MATN3: variants seen among roughly 807,000 people sequenced by gnomAD.
The protein encoded by MATN3 is matrilin-3.
In MATN3, 48 loss-of-function variants were observed where a neutral mutation model predicts 45.3. The observed-to-expected ratio is 1.06, with a 90% CI of 0.84 to 1.35. The LOEUF (loss-of-function observed/expected upper bound fraction) is 1.35. MATN3 is among the 40% of genes most tolerant of loss of function. MATN3 has a pLI of 0.00. For missense variants in MATN3, 599 were observed against 628.0 expected (o/e 0.95, Z 0.49); for synonymous variants, 217 against 245.9 (o/e 0.88, Z 1.10).
chr2:19,999,215 G>T (rs191290544), intron 5 of MATN3: 3 of 152,148 alleles, frequency 2.0e-5, no homozygotes, highest in African/African-American at 7.2e-5. Context: ...GGTCTTCAAT[G>T]TTCCTGGCAG....
At chr2:20,000,417 A>G in intron 5 of MATN3, 24 bp downstream of exon 5, 1 of 1,584,278 alleles carries the variant, frequency 6.3e-7, no homozygotes, top group Non-Finnish European at 8.6e-7. Flanking sequence ...CCAAGTATGA[A>G]AGAATTTTTT....
At chr2:19,993,952 A>T (rs1451082078) in intron 7 of MATN3, among the ~76,000 whole-genome samples, 1 of 152,194 alleles carries the variant, frequency 6.6e-6, no homozygotes, top group Non-Finnish European at 1.5e-5. Flanking sequence ...TAATCAGCTG[A>T]CTTGCTTTGT....
chr2:20,012,325 A>G lies in MATN3; in HGVS notation c.223+84T>C. The stretch of plus-strand genomic sequence containing the variant: ...TTTCCCCCGCACCACGGTCGGCCTG[A>G]GGCCGGGATGAAGCGCGCTTGGTGG... On this transcript the variant is annotated intron_variant, in intron 1 of 7. Coordinates refer to ENST00000407540, the MANE Select transcript of MATN3 (RefSeq NM_002381.5). The surrounding 1 kb of genome is among the most constrained non-coding windows in gnomAD (Gnocchi z 4.3). The G allele has an allele frequency of 4.6e-6, 5 of 1,077,452 alleles. No individual in the cohort carries two copies. Among genetic ancestry groups the G allele is most frequent in the African/African-American group, 1.6e-5 (1 of 61,234 alleles). The allele number at this position is 1,077,452 out of a possible 1,614,324, so 66.7% of individuals were successfully genotyped here. A position where few individuals can be genotyped will look rare whatever the true frequency, so the allele number is the denominator to read the frequency against.
At chr2:20,007,730 T>C (rs536253735) in intron 1 of MATN3, among the ~76,000 whole-genome samples, 1 of 152,338 alleles carries the variant, frequency 6.6e-6, no homozygotes, top group African/African-American at 2.4e-5. Flanking sequence ...TATGAAGCCC[T>C]GGAGCTACAA....
chr2:20,007,052 C>CA (rs1308106773), intron 1 of MATN3, among the ~76,000 whole-genome samples: 8 of 152,068 alleles, frequency 5.3e-5, no homozygotes, highest in Non-Finnish European at 1.0e-4. Context: ...ACTAAAAATA[C>CA]AAAAAATTAG....
Position 20,006,020 on chromosome 2 carries a change from C to T in MATN3, c.514G>A (p.Glu172Lys), listed in dbSNP as rs977737529. The change falls in exon 2 of 8, where the codon GAA becomes AAA. Residue 172 changes from glutamate to lysine, a missense_variant. Glu to Lys is a moderately conservative substitution (Grantham distance 56). Transcript: ENST00000407540. ...GCCCCTGCCTCCACTGTGAAGGCTT[C>T]GTCCATTGCTGTCTGGATGGCTAGG... ...SGLAIQTAMD[E>K]AFTVEAGARE... 8 of 1,613,876 alleles carry T rather than the reference C, an allele frequency of 5.0e-6. No individual in the cohort carries two copies. Among genetic ancestry groups the T allele is most frequent in the Admixed American group, 3.3e-5 (2 of 60,004 alleles).
chr2:19,993,922 T>C (rs1672807970), intron 7 of MATN3, among the ~76,000 whole-genome samples: 1 of 152,218 alleles, frequency 6.6e-6, no homozygotes. Context: ...CTGTGTGTAA[T>C]CTGAGATATC....
At chr2:20,000,683 C>G (rs1306608262) in intron 4 of MATN3, 117 bp from the exon 5 acceptor site, 2 of 997,698 alleles carry the variant, frequency 2.0e-6, no homozygotes, top group Admixed American at 3.2e-5. Flanking sequence ...GGAAACTATT[C>G]AAAGCCATTG....
At chr2:20,004,691 ATT>A (rs962492735) in intron 2 of MATN3, among the ~76,000 whole-genome samples, 49 of 152,298 alleles carry the variant, frequency 3.2e-4, no homozygotes, top group Non-Finnish European at 4.7e-4. Context: ...TTATTGGTTC[ATT>A]TGTTTGTCTC....
intron 2 of MATN3, among the ~76,000 whole-genome samples, 154 bp from the exon 3 acceptor site, chr2:20,003,440 T>G (rs1383420334): frequency 6.6e-6 from 1 of 152,256 alleles, no homozygotes; most frequent in African/African-American, 2.4e-5. Flanking sequence ...GCCTCTGGCT[T>G]ATTAGCAATG....
At chr2:19,999,353 C>T (rs75619092) in intron 5 of MATN3, 2,458 of 152,670 alleles carry the variant, frequency 0.016, 132 homozygotes, top group East Asian at 0.16. Flanking sequence ...CCCGCCAGTG[C>T]CACTTTCCAC....
In MATN3 at chr2:20,006,239, A is replaced by G. The variant is rs566240334; in HGVS notation, c.295T>C (p.Phe99Leu). 6.8e-6 allele frequency: 11 copies of G among 1,612,110 alleles called. No homozygotes were observed. The East Asian group carries it at 1.1e-4, about 16-fold the overall frequency. ...GAGACAAAAGTTTTCACTTTGGTGA[A>G]TTCCAGGGGCCGTACGCTACGAGAA... ...DSSRSVRPLE[F>L]TKVKTFVSRI... The change falls in exon 2 of 8, where the codon TTC becomes CTC. Residue 99 changes from phenylalanine (F) to leucine (L), a missense_variant. Coordinates refer to ENST00000407540, the MANE Select transcript of MATN3 (RefSeq NM_002381.5).
Position 20,003,216 on chromosome 2 carries a change from G to C in MATN3, c.861C>G (p.His287Gln). Residue 287 changes from histidine (H) to glutamine (Q), a missense_variant, in exon 3 of 8, where the codon CAC (histidine) becomes CAG (glutamine). His to Gln is a conservative substitution (Grantham distance 24, BLOSUM62 0). Transcript: ENST00000407540. Reference sequence around the variant, plus strand: ...TGTATCCTTGGCTACACTCACAGTGGTGCTTGCCTTCCCCATCACTGATGC... The same window carrying C: ...TGTATCCTTGGCTACACTCACAGTGCTGCTTGCCTTCCCCATCACTGATGC... Reference protein sequence around the residue: ...HVCISDGEGKHHCECSQGYTL... With the variant: ...HVCISDGEGKQHCECSQGYTL... The C allele has an allele frequency of 6.2e-7, 1 of 1,613,964 alleles. No individual in the cohort carries two copies. Among genetic ancestry groups the C allele is most frequent in the Middle Eastern group, 1.7e-4 (1 of 6,060 alleles).
chr2:20,007,513 G>A (rs1024010571), intron 1 of MATN3, among the ~76,000 whole-genome samples: 16 of 144,000 alleles, frequency 1.1e-4, no homozygotes, highest in Non-Finnish European at 1.1e-4. Flanking sequence ...TGGGCAATAA[G>A]AGCAAGACAT....
intron 1 of MATN3, among the ~76,000 whole-genome samples, chr2:20,011,663 G>A (rs749254151): frequency 1.3e-5 from 2 of 152,222 alleles, no homozygotes; most frequent in Non-Finnish European, 2.9e-5. Context: ...TTGGTAGGCT[G>A]GGGCAGTGGA....
At chr2:20,002,218 G>T in intron 3 of MATN3, 138 bp from the exon 4 acceptor site, 1 of 677,026 alleles carries the variant, frequency 1.5e-6, no homozygotes, top group Non-Finnish European at 2.3e-6. Flanking sequence ...GGGAGGGGCA[G>T]CTGGGAGTTG....
intron 2 of MATN3, among the ~76,000 whole-genome samples, chr2:20,004,687 G>T (rs981715186): frequency 3.9e-5 from 6 of 152,130 alleles, no homozygotes; most frequent in African/African-American, 1.2e-4. Context: ...TTAATTATTG[G>T]TTCATTTGTT....
chr2:19,994,681 G>C (rs1260114234), intron 6 of MATN3, among the ~76,000 whole-genome samples: 1 of 152,162 alleles, frequency 6.6e-6, no homozygotes, highest in Non-Finnish European at 1.5e-5. Context: ...CTGTACTTTT[G>C]TGATTGCCAG....
Position 19,997,134 on chromosome 2 carries a change from C to G in MATN3, c.1294G>C (p.Ala432Pro). 1 of 1,613,574 alleles carries G rather than the reference C, an allele frequency of 6.2e-7. No homozygotes were observed. Among genetic ancestry groups the G allele is most frequent in the Non-Finnish European group, 8.5e-7 (1 of 1,179,708 alleles). Residue 432 changes from alanine to proline, a missense_variant and splice_region_variant, in exon 6 of 8, where the codon GCC becomes CCC. Physicochemically the swap from Ala to Pro is conservative, Grantham distance 27 (BLOSUM62 -1). Coordinates refer to ENST00000407540, the MANE Select transcript of MATN3 (RefSeq NM_002381.5). ...ATAGCCTTAAAGGGCTGATCCTCAC[C>G]TGAACATGTTTTCTTGTCCTCATTT... is the stretch of plus-strand genomic sequence containing the variant. Reference protein sequence around the residue: ...TLNEDKKTCSATEEARRLVST... With the variant: ...TLNEDKKTCSPTEEARRLVST...
Sources: gnomAD v4.1 joint callset for allele counts (sites outside exome capture counted in the v4.1 genomes callset) on GRCh38, gnomAD v4.1.1 for gene constraint, Gnocchi (gnomAD v3.1) non-coding constraint, MANE v1.5 for transcripts, NCBI Gene and HGNC (gene_info 2026-07-23, HGNC 2026-07-21) for gene names.